The following PCLO variants were observed in gnomAD, a reference collection of about 807,000 sequenced individuals.
PCLO encodes protein piccolo.
In PCLO, 82 loss-of-function variants were observed where a neutral mutation model predicts 427.5. The ratio of observed to expected loss-of-function variants is 0.19; its 90% confidence interval spans 0.16 to 0.23. The LOEUF is 0.23. PCLO is among the 10% of genes least tolerant of loss of function. The pLI is 1.00. For synonymous variants in PCLO, 2,357 were observed against 2,155.4 expected (o/e 1.09, Z -2.59); for missense variants, 6,239 against 6,115.9 (o/e 1.02, Z -0.67).
intron 3 of PCLO, among the ~76,000 whole-genome samples, chr7:83,083,168 A>C (rs189082764): frequency 3.7e-4 from 57 of 152,108 alleles, no homozygotes; most frequent in Middle Eastern, 3.4e-3. Flanking sequence ...ATAAATGTTT[A>C]TTGAGAAATA....
At position 82,949,636 on chromosome 7, in the gene PCLO, A is replaced by C; in HGVS notation, c.10952T>G (p.Ile3651Arg). 6.2e-7 allele frequency: 1 copy of C among 1,613,832 alleles called. No homozygotes were observed. Among genetic ancestry groups the C allele is most frequent in the Non-Finnish European group, 8.5e-7 (1 of 1,179,842 alleles). Residue 3651 changes from isoleucine to arginine, a missense_variant, in exon 6 of 25, where the codon ATA (isoleucine) becomes AGA (arginine). Coordinates refer to ENST00000333891, the MANE Select transcript of PCLO (RefSeq NM_033026.6). ...VPYEKPLPDDISPQKVLHPDM... is the reference protein window; with the variant it reads ...VPYEKPLPDDRSPQKVLHPDM... ...TGGATGCAGTACTTTCTGTGGACTT[A>C]TATCATCAGGGAGGGGTTTTTCATA...
chr7:83,094,910 T>C (rs972633872), intron 3 of PCLO, among the ~76,000 whole-genome samples: 2 of 152,154 alleles, frequency 1.3e-5, no homozygotes, highest in African/African-American at 2.4e-5. Context: ...ATGAGGAAAA[T>C]TGGTCTGTAA....
intron 1 of PCLO, among the ~76,000 whole-genome samples, chr7:83,157,819 C>A (rs1208254300): frequency 6.6e-6 from 1 of 151,560 alleles, no homozygotes; most frequent in Non-Finnish European, 1.5e-5. Flanking sequence ...TTAAAGGAAA[C>A]AAGAATAAAG....
At chr7:83,097,979 T>C (rs1461828009) in intron 3 of PCLO, among the ~76,000 whole-genome samples, 2 of 152,288 alleles carry the variant, frequency 1.3e-5, no homozygotes, top group Non-Finnish European at 2.9e-5. Context: ...ACTTGGATTA[T>C]ATTATTTGTT....
chr7:83,153,324 A>G (rs967446137), intron 2 of PCLO, among the ~76,000 whole-genome samples: 1 of 151,932 alleles, frequency 6.6e-6, no homozygotes, highest in Non-Finnish European at 1.5e-5. Flanking sequence ...GTAAATGATT[A>G]TTTACTTGAA....
At chr7:82,913,143 T>G (rs1034508449) in intron 7 of PCLO, among the ~76,000 whole-genome samples, 1 of 152,048 alleles carries the variant, frequency 6.6e-6, no homozygotes, top group African/African-American at 2.4e-5. Context: ...ATTGAGTATT[T>G]TATTCAATTA....
Position 82,952,799 on chromosome 7 carries a change from A to G in PCLO, c.8154T>C (p.Asp2718=). ...IHLEKPQYKE[D]GKLQLVGDVI... The stretch of plus-strand genomic sequence containing the variant: ...CATCACCAACAAGTTGCAATTTTCC[A>G]TCTTCTTTATACTGAGGCTTCTCTA... Residue 2718 remains aspartate, a synonymous_variant, in exon 5 of 25, where the codon GAT becomes GAC. Coordinates refer to ENST00000333891, the MANE Select transcript of PCLO (RefSeq NM_033026.6). 3 of 1,613,656 alleles carry G rather than the reference A, an allele frequency of 1.9e-6. No homozygotes were observed. Among genetic ancestry groups the G allele is most frequent in the Non-Finnish European group, 2.5e-6 (3 of 1,179,752 alleles).
intron 20 of PCLO, chr7:82,821,482 G>A (rs1432358713): frequency 1.0e-6 from 1 of 985,264 alleles, no homozygotes; most frequent in Non-Finnish European, 1.2e-6. Flanking sequence ...TGAAAATGAT[G>A]ACTAGGGAGA....
chr7:82,782,425 T>C (rs1170268951), intron 22 of PCLO, among the ~76,000 whole-genome samples: 1 of 152,188 alleles, frequency 6.6e-6, no homozygotes, highest in Non-Finnish European at 1.5e-5. Context: ...TAATAATTTA[T>C]TTCATTATTT....
intron 3 of PCLO, among the ~76,000 whole-genome samples, chr7:83,115,070 A>C (rs1427687759): frequency 1.3e-5 from 2 of 152,002 alleles, no homozygotes; most frequent in Non-Finnish European, 2.9e-5. Context: ...TGAGACAATA[A>C]ATTTAGGACA....
intron 3 of PCLO, among the ~76,000 whole-genome samples, chr7:83,033,864 G>A (rs572508708): frequency 6.6e-6 from 1 of 152,148 alleles, no homozygotes; most frequent in East Asian, 1.9e-4. Context: ...TGCTCACCCA[G>A]GCTATTGTTA....
At chr7:82,977,384 ATT>A (rs1170410716) in intron 3 of PCLO, among the ~76,000 whole-genome samples, 1 of 58,496 alleles carries the variant, frequency 1.7e-5, no homozygotes, top group African/African-American at 4.4e-5. Context: ...CATCTTTTTT[ATT>A]TATTTATTTA....
In PCLO at chr7:82,831,651, T is replaced by TTTTAATGAACAAAA. The variant is rs1792096294; in HGVS notation, c.14250-3686_14250-3685insTTTTGTTCATTAAA. Among the ~76,000 whole-genome samples, 3 of 152,294 alleles carry TTTTAATGAACAAAA rather than the reference T, an allele frequency of 2.0e-5. No individual in the cohort carries two copies. In the South Asian group the frequency reaches 6.2e-4, roughly 32 times the overall value. On this transcript the variant is annotated intron_variant, in intron 16 of 24. Coordinates refer to ENST00000333891, the MANE Select transcript of PCLO (RefSeq NM_033026.6). ...TAAACTGATTGGACAAAAGTTAAAA[T>TTTTAATGAACAAAA]GTTCATTTTAATAGAGTATCTTAAT...
chr7:83,154,140 C>T (rs190030207), intron 2 of PCLO, among the ~76,000 whole-genome samples: 5 of 152,086 alleles, frequency 3.3e-5, no homozygotes, highest in Non-Finnish European at 4.4e-5. Context: ...CAAGCCTAGG[C>T]GATATAAACT....
intron 20 of PCLO, among the ~76,000 whole-genome samples, chr7:82,808,509 G>GT (rs959529382): frequency 1.3e-4 from 19 of 151,472 alleles, no homozygotes; most frequent in African/African-American, 3.4e-4. Flanking sequence ...GAAAAGACAG[G>GT]TTTTTTTTCC....
At chr7:82,932,203 T>G (rs1794855930) in intron 6 of PCLO, among the ~76,000 whole-genome samples, 1 of 152,112 alleles carries the variant, frequency 6.6e-6, no homozygotes, top group African/African-American at 2.4e-5. Flanking sequence ...CTTTGAACTT[T>G]TAGTTAATAT....
rs71074628 is a variant in PCLO, at chr7:83,156,403, TAAAA to T, written c.249-15_249-12del. 63 of 1,062,270 alleles carry T rather than the reference TAAAA, an allele frequency of 5.9e-5. No individual in the cohort carries two copies. Among genetic ancestry groups the T allele is most frequent in the African/African-American group, 8.7e-5 (5 of 57,752 alleles). 65.8% of individuals were successfully genotyped at this position (1,062,270 alleles called of 1,614,324 possible). ...TCCAACTCTTGTTTCCTAGAAGAGT[TAAAA>T]AAAAAAAAAAAAATCAAGTGAAAAT... On this transcript the variant is annotated splice_polypyrimidine_tract_variant and intron_variant, in intron 1 of 24. Coordinates refer to ENST00000333891, the MANE Select transcript of PCLO (RefSeq NM_033026.6).
intron 22 of PCLO, among the ~76,000 whole-genome samples, chr7:82,798,885 C>G (rs934428177): frequency 1.3e-5 from 2 of 152,182 alleles, no homozygotes; most frequent in African/African-American, 4.8e-5. Context: ...CATCCTCAAC[C>G]CCCGCCCCTC....
chr7:82,941,796 T>G (rs2116385416), intron 6 of PCLO, among the ~76,000 whole-genome samples: 1 of 152,312 alleles, frequency 6.6e-6, no homozygotes, highest in Middle Eastern at 3.4e-3. Context: ...TATAATCCTT[T>G]TAGTTGTTTA....
Sources: allele counts gnomAD v4.1 joint callset (sites outside exome capture counted in the v4.1 genomes callset), GRCh38; gene constraint gnomAD v4.1.1; transcripts MANE v1.5; gene names NCBI Gene and HGNC (gene_info 2026-07-23, HGNC 2026-07-21).